The following TMEM65 variants were observed in gnomAD, a reference collection of about 807,000 sequenced individuals.
TMEM65 encodes transmembrane protein 65.
A neutral mutation model predicts 25.4 loss-of-function variants in TMEM65; 22 were observed. The observed-to-expected ratio is 0.86, with a 90% confidence interval of 0.62 to 1.23. The LOEUF (loss-of-function observed/expected upper bound fraction) is 1.23, where lower values mean the gene tolerates loss of function less well. Among genes scored for constraint, TMEM65 ranks in the 50% most tolerant of loss-of-function variants. TMEM65 has a pLI of 0.00. For synonymous variants in TMEM65, 132 were observed against 126.2 expected (o/e 1.05, Z -0.31); for missense variants, 262 against 308.2 (o/e 0.85, Z 1.12).
chr8:124,370,878 C>A (rs925854045), intron 1 of TMEM65, among the ~76,000 whole-genome samples: 1 of 152,204 alleles, frequency 6.6e-6, no homozygotes, highest in Non-Finnish European at 1.5e-5. Context: ...TTAAAACTTT[C>A]AAACACATCA....
At chr8:124,340,311 T>A (rs1814569575) in intron 1 of TMEM65, among the ~76,000 whole-genome samples, 1 of 152,198 alleles carries the variant, frequency 6.6e-6, no homozygotes, top group Admixed American at 6.5e-5. Flanking sequence ...TATATATGTG[T>A]GATATTTTCT....
chr8:124,334,669 CAGG>C (rs1300442074), intron 1 of TMEM65, among the ~76,000 whole-genome samples: 1 of 144,378 alleles, frequency 6.9e-6, no homozygotes, highest in Non-Finnish European at 1.5e-5. Context: ...GAGGCTGCGG[CAGG>C]AGAATTGCTT....
chr8:124,341,572 C>A (rs755138646), intron 1 of TMEM65, among the ~76,000 whole-genome samples: 4 of 152,082 alleles, frequency 2.6e-5, no homozygotes, highest in Admixed American at 6.5e-5. Context: ...AAAGTAATTT[C>A]TTGTGGTCCA....
intron 5 of TMEM65, among the ~76,000 whole-genome samples, 187 bp from the exon 6 acceptor site, chr8:124,320,378 T>C (rs1316810927): frequency 1.3e-5 from 2 of 152,248 alleles, no homozygotes; most frequent in Non-Finnish European, 2.9e-5. Flanking sequence ...ACTTGTACTC[T>C]AGAAATGACA....
intron 1 of TMEM65, among the ~76,000 whole-genome samples, chr8:124,354,802 T>G (rs6986235): frequency 6.6e-6 from 1 of 152,008 alleles, no homozygotes; most frequent in South Asian, 2.1e-4. Context: ...ACTACTTGCA[T>G]GTTAACCTTT....
chr8:124,332,840 G>C (rs923302501), intron 1 of TMEM65, among the ~76,000 whole-genome samples: 1 of 151,878 alleles, frequency 6.6e-6, no homozygotes, highest in African/African-American at 2.4e-5. Flanking sequence ...GTCTCACTCT[G>C]TCTCTCCCAG....
intron 1 of TMEM65, among the ~76,000 whole-genome samples, chr8:124,342,883 G>A (rs915362218): frequency 3.9e-5 from 6 of 152,100 alleles, no homozygotes; most frequent in African/African-American, 1.4e-4. Context: ...ACCACTTACA[G>A]ATGAATTTCA....
At chr8:124,363,041 C>T (rs1814891881) in intron 1 of TMEM65, among the ~76,000 whole-genome samples, 1 of 152,174 alleles carries the variant, frequency 6.6e-6, no homozygotes, top group Non-Finnish European at 1.5e-5. Context: ...AATTATTTTA[C>T]AGTGATCTTT....
At chr8:124,320,458 C>T (rs1814290228) in intron 5 of TMEM65, among the ~76,000 whole-genome samples, 1 of 152,004 alleles carries the variant, frequency 6.6e-6, no homozygotes, top group South Asian at 2.1e-4. Context: ...ACATATTTAA[C>T]ACAAAGGAAA....
intron 1 of TMEM65, among the ~76,000 whole-genome samples, chr8:124,340,246 T>G (rs1173099480): frequency 6.6e-6 from 1 of 152,174 alleles, no homozygotes; most frequent in Non-Finnish European, 1.5e-5. Context: ...AAGTTTTAAA[T>G]GAAAGGTGTA....
chr8:124,346,310 T>G (rs1814640063), intron 1 of TMEM65, among the ~76,000 whole-genome samples: 1 of 152,020 alleles, frequency 6.6e-6, no homozygotes, highest in African/African-American at 2.4e-5. Context: ...GGATTACAAT[T>G]TGAGATGAGA....
chr8:124,364,289 C>T (rs1343729369), intron 1 of TMEM65, among the ~76,000 whole-genome samples: 1 of 152,132 alleles, frequency 6.6e-6, no homozygotes, highest in Non-Finnish European at 1.5e-5. Context: ...AGCAGACCTC[C>T]TTACACAGCA....
intron 1 of TMEM65, among the ~76,000 whole-genome samples, chr8:124,346,538 C>A (rs1814642547): frequency 6.6e-6 from 1 of 151,882 alleles, no homozygotes; most frequent in Non-Finnish European, 1.5e-5. Context: ...GGTAAAAATC[C>A]AAATTATTTA....
At position 124,311,872 on chromosome 8, in the gene TMEM65, T is replaced by A. The variant is rs1341258512; in HGVS notation, c.*2088A>T. 6.6e-6 allele frequency: 1 copy of A among 152,512 alleles called. No homozygotes were observed. Among genetic ancestry groups the A allele is most frequent in the Non-Finnish European group, 1.5e-5 (1 of 67,974 alleles). The allele number at this position is 152,512 out of a possible 1,614,324, so 9.4% of individuals were successfully genotyped here. A position where few individuals can be genotyped will look rare whatever the true frequency, so the allele number is the denominator to read the frequency against. On this transcript the variant is annotated 3_prime_UTR_variant, in exon 7 of 7. Transcript: ENST00000297632. ...ATCTTTCAATGTGAAGGTTATATATTTTGACACCTTAAATAATTCTGGAGA... is the reference window on the plus strand; with the variant it reads ...ATCTTTCAATGTGAAGGTTATATATATTGACACCTTAAATAATTCTGGAGA...
At chr8:124,333,366 TATA>T (rs1016483605) in intron 1 of TMEM65, among the ~76,000 whole-genome samples, 5 of 151,916 alleles carry the variant, frequency 3.3e-5, no homozygotes, top group African/African-American at 9.7e-5. Flanking sequence ...TCTTTTGACA[TATA>T]ATAAACTATC....
intron 1 of TMEM65, among the ~76,000 whole-genome samples, chr8:124,332,387 C>A (rs981704128): frequency 3.9e-5 from 6 of 152,088 alleles, no homozygotes; most frequent in Non-Finnish European, 7.4e-5. Flanking sequence ...AGGACCTCCC[C>A]AGTAGAATGA....
At chr8:124,321,383 T>G (rs1814301668) in intron 5 of TMEM65, among the ~76,000 whole-genome samples, 1 of 152,162 alleles carries the variant, frequency 6.6e-6, no homozygotes, top group Non-Finnish European at 1.5e-5. Context: ...ATATTTATCA[T>G]AATAATGTCC....
At chr8:124,353,220 G>A (rs1303604742) in intron 1 of TMEM65, among the ~76,000 whole-genome samples, 2 of 152,156 alleles carry the variant, frequency 1.3e-5, no homozygotes, top group Non-Finnish European at 2.9e-5. Flanking sequence ...GCCCAAGTTG[G>A]TGCAAGGAGG....
rs1814705532 is a variant in TMEM65, at chr8:124,351,348, T to C, written c.304+20506A>G. 2.0e-5 allele frequency among the ~76,000 whole-genome samples: 3 copies of C among 152,248 alleles called. No homozygotes were observed. The South Asian group carries it at 6.2e-4, about 32-fold the overall frequency. ...AATCATTCTGTGACCTTTCAAATTT[T>C]TTTGTCAAAACATGAAAAACTCTCT... is the stretch of plus-strand genomic sequence containing the variant. On this transcript the variant is annotated intron_variant, in intron 1 of 6. Transcript: ENST00000297632.
Sources: gnomAD v4.1 joint callset for allele counts (sites outside exome capture counted in the v4.1 genomes callset) on GRCh38, gnomAD v4.1.1 for gene constraint, MANE v1.5 for transcripts, NCBI Gene and HGNC (gene_info 2026-07-23, HGNC 2026-07-21) for gene names.